Variants in DGKI observed in about 807,000 individuals in gnomAD.
DGKI encodes DAG kinase iota.
In DGKI, 55 loss-of-function variants were observed where a neutral mutation model predicts 147.5. The observed-to-expected ratio is 0.37, with a 90% confidence interval of 0.30 to 0.47. DGKI has a LOEUF of 0.47. DGKI is among the 20% of genes least tolerant of loss of function. The probability of loss-of-function intolerance (pLI) is 1.00; values close to 1 mark genes in which losing one functional copy is unlikely to be tolerated. For synonymous variants in DGKI, 469 were observed against 477.1 expected, an observed-to-expected ratio of 0.98 and a Z score of 0.22; for missense variants, 1,007 against 1,323.8, an observed-to-expected ratio of 0.76 and a Z score of 3.71.
At chr7:137,755,536 G>A (rs191446723) in intron 1 of DGKI, among the ~76,000 whole-genome samples, 6 of 152,252 alleles carry the variant, frequency 3.9e-5, no homozygotes, top group Admixed American at 6.5e-5. Context: ...GAAACAAATC[G>A]ACCTGAATGC....
At position 137,623,861 on chromosome 7, in the gene DGKI, T is replaced by A. The variant is rs1370906042; in HGVS notation, c.805-307A>T. On this transcript the variant is annotated intron_variant, in intron 6 of 32. Coordinates refer to ENST00000614521, the MANE Select transcript of DGKI (RefSeq NM_001321708.2). ...TGAAAAAATAAATGTTGTTCTGATA[T>A]GTTTTTATTATAACCAAAGGAAAAG... Among the ~76,000 whole-genome samples, 3 of 152,222 alleles carry A rather than the reference T, an allele frequency of 2.0e-5. No homozygotes were observed. In the East Asian group the frequency reaches 5.8e-4, roughly 29 times the overall value.
chr7:137,528,062 A>C (rs1044050189), intron 20 of DGKI, among the ~76,000 whole-genome samples: 1 of 152,184 alleles, frequency 6.6e-6, no homozygotes, highest in Non-Finnish European at 1.5e-5. Context: ...CAAATGAGTA[A>C]ATGAATGCAA....
At chr7:137,751,606 A>G (rs1397592205) in intron 1 of DGKI, among the ~76,000 whole-genome samples, 1 of 152,242 alleles carries the variant, frequency 6.6e-6, no homozygotes, top group African/African-American at 2.4e-5. Context: ...TTTCTAAAGC[A>G]TTGTTCTAGC....
chr7:137,669,372 G>T (rs1430576442), intron 3 of DGKI, among the ~76,000 whole-genome samples: 1 of 152,184 alleles, frequency 6.6e-6, no homozygotes, highest in African/African-American at 2.4e-5. Context: ...AAGATTGAGT[G>T]CCTCTAAGCA....
chr7:137,454,091 T>A (rs1814086621), intron 27 of DGKI, among the ~76,000 whole-genome samples: 1 of 152,154 alleles, frequency 6.6e-6, no homozygotes, highest in Non-Finnish European at 1.5e-5. Flanking sequence ...AATGATGATA[T>A]AATATATTCT....
At chr7:137,438,897 A>G (rs1405412471) in intron 28 of DGKI, among the ~76,000 whole-genome samples, 1 of 152,204 alleles carries the variant, frequency 6.6e-6, no homozygotes, top group Non-Finnish European at 1.5e-5. Context: ...ACACATATAC[A>G]CACATATAGG....
At chr7:137,576,063 G>C (rs1818961746) in intron 17 of DGKI, among the ~76,000 whole-genome samples, 1 of 107,114 alleles carries the variant, frequency 9.3e-6, no homozygotes. Flanking sequence ...TTTTTAGACG[G>C]AGTGTTGCTC....
At chr7:137,670,297 C>T (rs1168799283) in intron 3 of DGKI, among the ~76,000 whole-genome samples, 3 of 152,210 alleles carry the variant, frequency 2.0e-5, no homozygotes, top group African/African-American at 4.8e-5. Context: ...TATACTATCA[C>T]TATCCCCATT....
At position 137,428,891 on chromosome 7, in the gene DGKI, T is replaced by G. The variant is rs1048128759; in HGVS notation, c.2761+15186A>C. On this transcript the variant is annotated intron_variant, in intron 28 of 32. Coordinates refer to ENST00000614521, the MANE Select transcript of DGKI (RefSeq NM_001321708.2). ...AGGAGAACTACAAACAACTGCTCAA[T>G]GAAATAAAAGAGGACACAAAGAAAT... 5.2e-4 allele frequency among the ~76,000 whole-genome samples: 79 copies of G among 152,022 alleles called. 1 individual carries two copies. In the East Asian group the frequency reaches 6.8e-3, roughly 13 times the overall value.
intron 1 of DGKI, among the ~76,000 whole-genome samples, chr7:137,694,417 T>C (rs142380539): frequency 9.9e-4 from 151 of 152,328 alleles, no homozygotes; most frequent in African/African-American, 3.2e-3. Context: ...TTTCCTCTGG[T>C]TCCAGTTTCA....
chr7:137,544,033 A>G (rs1177742184), intron 20 of DGKI, among the ~76,000 whole-genome samples: 2 of 152,174 alleles, frequency 1.3e-5, no homozygotes, highest in Admixed American at 6.5e-5. Flanking sequence ...TAGATATAAA[A>G]TATTTTCAAA....
chr7:137,446,060 G>A (rs769848903), intron 27 of DGKI, among the ~76,000 whole-genome samples: 18 of 152,184 alleles, frequency 1.2e-4, no homozygotes, highest in Non-Finnish European at 2.2e-4. Context: ...AAGTGAAAAC[G>A]TGTCTTGGAT....
chr7:137,680,077 T>G (rs910448554), intron 2 of DGKI, among the ~76,000 whole-genome samples: 1 of 150,902 alleles, frequency 6.6e-6, no homozygotes. Context: ...TGGGAAGTAA[T>G]GAGTTCATGG....
At chr7:137,521,838 T>G in intron 21 of DGKI, 28 bp downstream of exon 21, 7 of 1,513,148 alleles carry the variant, frequency 4.6e-6, no homozygotes, top group African/African-American at 1.4e-5. Flanking sequence ...GCTGATCGCA[T>G]GAAATCAATG....
chr7:137,609,147 C>G, intron 9 of DGKI, 83 bp from the exon 10 acceptor site: 1 of 1,030,038 alleles, frequency 9.7e-7, no homozygotes, highest in South Asian at 1.4e-5. Flanking sequence ...GAAAACCACC[C>G]AATAATACAT....
At chr7:137,644,985 T>C (rs1343346054) in intron 6 of DGKI, among the ~76,000 whole-genome samples, 2 of 152,148 alleles carry the variant, frequency 1.3e-5, no homozygotes, top group Admixed American at 6.5e-5. Flanking sequence ...GAGGTAGATA[T>C]AAATAACCAC....
intron 12 of DGKI, among the ~76,000 whole-genome samples, chr7:137,592,406 G>T (rs1819647697): frequency 6.6e-6 from 1 of 152,148 alleles, no homozygotes; most frequent in Non-Finnish European, 1.5e-5. Context: ...AGAACACCAG[G>T]TCCTCCGCTT....
intron 1 of DGKI, among the ~76,000 whole-genome samples, chr7:137,754,253 G>T (rs181955058): frequency 6.6e-6 from 1 of 152,268 alleles, no homozygotes; most frequent in African/African-American, 2.4e-5. Flanking sequence ...TGGAGGAAGA[G>T]TATCAGCCTC....
At chr7:137,529,659 T>G (rs1817272991) in intron 20 of DGKI, among the ~76,000 whole-genome samples, 1 of 152,206 alleles carries the variant, frequency 6.6e-6, no homozygotes, top group Non-Finnish European at 1.5e-5. Flanking sequence ...TATTTCAAAT[T>G]CTTCTGGCCA....
Sources: allele counts gnomAD v4.1 joint callset (sites outside exome capture counted in the v4.1 genomes callset), GRCh38; gene constraint gnomAD v4.1.1; transcripts MANE v1.5; gene names NCBI Gene and HGNC (gene_info 2026-07-23, HGNC 2026-07-21).